Variants in MAP4K4 observed in about 807,000 individuals in gnomAD.
The protein encoded by MAP4K4 is mitogen-activated protein kinase kinase kinase kinase 4, also known as HPK/GCK-like kinase HGK.
A neutral mutation model predicts 189.6 loss-of-function variants in MAP4K4; 38 were observed. The observed-to-expected ratio is 0.20, with a 90% CI of 0.15 to 0.26. The LOEUF (loss-of-function observed/expected upper bound fraction) is 0.26, where lower values mean the gene tolerates loss of function less well. MAP4K4 is among the 10% of genes least tolerant of loss of function. MAP4K4 has a pLI of 1.00. For missense variants in MAP4K4, 1,054 were observed against 1,726.9 expected, an observed-to-expected ratio of 0.61 and a Z score of 6.91; for synonymous variants, 610 against 624.3, an observed-to-expected ratio of 0.98 and a Z score of 0.34.
intron 2 of MAP4K4, among the ~76,000 whole-genome samples, chr2:101,718,570 T>TG (rs1372602303): frequency 2.2e-4 from 5 of 23,176 alleles, no homozygotes; most frequent in African/African-American, 3.3e-4. Flanking sequence ...AAGGTGGGGG[T>TG]GGGGGGGTGG....
intron 16 of MAP4K4, 182 bp downstream of exon 16, chr2:101,861,168 C>A: frequency 3.4e-6 from 2 of 586,560 alleles, no homozygotes; most frequent in Non-Finnish European, 5.8e-6. Context: ...CTTTTTCTTT[C>A]TTTTTGAGAT....
chr2:101,704,382 A>C (rs184252009), intron 2 of MAP4K4, among the ~76,000 whole-genome samples: 3 of 152,028 alleles, frequency 2.0e-5, no homozygotes, highest in Admixed American at 2.0e-4. Context: ...AGCTCTACAG[A>C]AAAGCCAACC....
At chr2:101,700,348 C>T (rs1032737088) in intron 2 of MAP4K4, among the ~76,000 whole-genome samples, 3 of 152,192 alleles carry the variant, frequency 2.0e-5, no homozygotes, top group Non-Finnish European at 2.9e-5. Flanking sequence ...ACTAGGTTTG[C>T]TGAGCGCTAG....
chr2:101,769,956 C>T (rs536692631), intron 2 of MAP4K4, among the ~76,000 whole-genome samples: 7 of 152,226 alleles, frequency 4.6e-5, no homozygotes, highest in East Asian at 1.9e-4. Context: ...GGAGGGAAAT[C>T]GGAGACAACC....
chr2:101,826,163 T>TA (rs908855423), intron 5 of MAP4K4, among the ~76,000 whole-genome samples: 6 of 151,026 alleles, frequency 4.0e-5, no homozygotes, highest in Non-Finnish European at 7.4e-5. Flanking sequence ...CTACCACATT[T>TA]AAAAAAAAAG....
chr2:101,704,859 A>G lies in MAP4K4; in HGVS notation c.123+6321A>G, dbSNP rs150013331. 5.8e-3 allele frequency among the ~76,000 whole-genome samples: 883 copies of G among 152,166 alleles called. 5 individuals carry two copies. Among genetic ancestry groups the G allele is most frequent in the Non-Finnish European group, 8.9e-3 (603 of 67,988 alleles). ...AAATGGAGAAGGCCAAGGTAATCTT[A>G]TATTTATTACCAGTGACCATTGTGG... On this transcript the variant is annotated intron_variant, in intron 2 of 32. Coordinates refer to ENST00000324219, the Ensembl canonical transcript of MAP4K4.
At chr2:101,702,210 G>A (rs1254376891) in intron 2 of MAP4K4, among the ~76,000 whole-genome samples, 1 of 152,100 alleles carries the variant, frequency 6.6e-6, no homozygotes, top group Non-Finnish European at 1.5e-5. Flanking sequence ...GTGTTCTTGG[G>A]GTAACTACTG....
chr2:101,856,206 T>G (rs2097449502), intron 13 of MAP4K4, 68 bp downstream of exon 13: 1 of 1,480,946 alleles, frequency 6.8e-7, no homozygotes. Flanking sequence ...CTGGGGGATT[T>G]TTAGAAAGTA....
intron 2 of MAP4K4, among the ~76,000 whole-genome samples, chr2:101,783,001 C>G (rs977040886): frequency 2.6e-5 from 4 of 152,062 alleles, no homozygotes; most frequent in Non-Finnish European, 5.9e-5. Flanking sequence ...GTACTCATGC[C>G]ATTCAGCTCA....
intron 12 of MAP4K4, among the ~76,000 whole-genome samples, chr2:101,855,395 G>A (rs544913538): frequency 1.3e-5 from 2 of 152,238 alleles, no homozygotes; most frequent in Non-Finnish European, 2.9e-5. Flanking sequence ...ATTATATTAG[G>A]TAAAGTAAGT....
intron 3 of MAP4K4, among the ~76,000 whole-genome samples, chr2:101,815,009 C>T (rs1436600091): frequency 1.3e-5 from 2 of 152,166 alleles, no homozygotes; most frequent in Non-Finnish European, 2.9e-5. Flanking sequence ...CAGTGCTTCT[C>T]CAAGTAGGGT....
chr2:101,846,503 T>C (rs1168807527), intron 12 of MAP4K4, among the ~76,000 whole-genome samples: 2 of 152,156 alleles, frequency 1.3e-5, no homozygotes, highest in Admixed American at 1.3e-4. Flanking sequence ...CTGTCACTAG[T>C]GAGACGAGTA....
intron 3 of MAP4K4, among the ~76,000 whole-genome samples, chr2:101,811,709 G>A (rs1217416055): frequency 2.0e-5 from 3 of 152,148 alleles, no homozygotes; most frequent in Non-Finnish European, 2.9e-5. Flanking sequence ...CCCACAGTTC[G>A]TGCTTACTGA....
chr2:101,802,575 A>T (rs1472430900), intron 3 of MAP4K4, among the ~76,000 whole-genome samples: 1 of 151,388 alleles, frequency 6.6e-6, no homozygotes, highest in Non-Finnish European at 1.5e-5. Flanking sequence ...CTGGAATGCC[A>T]CTCCCTCACG....
chr2:101,834,605 A>G, intron 8 of MAP4K4, 142 bp downstream of exon 8: 1 of 653,924 alleles, frequency 1.5e-6, no homozygotes, highest in East Asian at 2.7e-5. Context: ...AATATAGTCA[A>G]GTTTTAGATG....
chr2:101,860,091 T>C (rs899232513), intron 15 of MAP4K4: 3 of 580,600 alleles, frequency 5.2e-6, no homozygotes, highest in Non-Finnish European at 9.2e-6. Flanking sequence ...TCAGTTAACA[T>C]ATCCCAGAAG....
At chr2:101,759,487 TCCCCTCTC>T (rs2074741335) in intron 2 of MAP4K4, among the ~76,000 whole-genome samples, 1 of 30,596 alleles carries the variant, frequency 3.3e-5, no homozygotes, top group East Asian at 1.1e-3. Context: ...TCCCCTCCCC[TCCCCTCTC>T]CTCCCCTCTC....
intron 2 of MAP4K4, among the ~76,000 whole-genome samples, chr2:101,741,872 C>T (rs6650791): frequency 0.75 from 113,536 of 152,146 alleles, 42,869 homozygotes; most frequent in African/African-American, 0.88. Context: ...ATTGGTTACA[C>T]GGGGTTGTGA....
At chr2:101,810,250 AT>A (rs2095331234) in intron 3 of MAP4K4, among the ~76,000 whole-genome samples, 1 of 152,114 alleles carries the variant, frequency 6.6e-6, no homozygotes, top group African/African-American at 2.4e-5. Context: ...TCTCCTGTAT[AT>A]TTTTTAAGGG....
Sources: gnomAD v4.1 joint callset for allele counts (sites outside exome capture counted in the v4.1 genomes callset) on GRCh38, gnomAD v4.1.1 for gene constraint, MANE v1.5 for transcripts, NCBI Gene and HGNC (gene_info 2026-07-23, HGNC 2026-07-21) for gene names.